The following GIT1 variants were observed in gnomAD, a reference collection of about 807,000 sequenced individuals.
The protein encoded by GIT1 is GIT ArfGAP 1.
Under a neutral mutation model 91.7 loss-of-function variants are expected in GIT1, and 14 were observed. The ratio of observed to expected loss-of-function variants is 0.15; its 90% CI spans 0.10 to 0.24. The LOEUF is 0.24. Ranked by LOEUF, GIT1 falls within the 10% of genes least tolerant of loss-of-function variation. The pLI, the probability that GIT1 is intolerant of heterozygous loss-of-function variation, is 1.00. For missense variants in GIT1, 717 were observed against 1,024.9 expected (o/e 0.70, Z 4.10); for synonymous variants, 414 against 418.2 (o/e 0.99, Z 0.12).
At chr17:29,582,577 T>A in intron 4 of GIT1, 121 bp downstream of exon 4, 1 of 697,876 alleles carries the variant, frequency 1.4e-6, no homozygotes, top group Non-Finnish European at 2.6e-6. Context: ...CTGTCTACTG[T>A]TACCCTGACC....
chr17:29,586,539 T>C (rs1247468105), intron 1 of GIT1, among the ~76,000 whole-genome samples: 1 of 152,168 alleles, frequency 6.6e-6, no homozygotes, highest in African/African-American at 2.4e-5. Flanking sequence ...ACACAAATTC[T>C]ACCTCCATAA....
At chr17:29,582,630 G>T in intron 4 of GIT1, 68 bp downstream of exon 4, 1 of 1,075,250 alleles carries the variant, frequency 9.3e-7, no homozygotes, top group Non-Finnish European at 1.4e-6. Flanking sequence ...ACAAAGGAGA[G>T]GCCTTCAGAG....
At chr17:29,576,763 C>T in intron 12 of GIT1, 89 bp from the exon 13 acceptor site, 1 of 1,583,038 alleles carries the variant, frequency 6.3e-7, no homozygotes, top group South Asian at 1.1e-5. Context: ...GAGCAGCCCA[C>T]CTGTCCCTCA....
intron 1 of GIT1, among the ~76,000 whole-genome samples, chr17:29,584,075 T>C (rs968424487): frequency 6.6e-6 from 1 of 152,226 alleles, no homozygotes; most frequent in African/African-American, 2.4e-5. Context: ...TCTGGCCTCC[T>C]GCCAGCAGGT....
chr17:29,585,249 CA>C (rs1033368438), intron 1 of GIT1, among the ~76,000 whole-genome samples: 5 of 152,120 alleles, frequency 3.3e-5, no homozygotes, highest in Admixed American at 3.3e-4. Flanking sequence ...ACCACTGGGT[CA>C]GGGGGCTGCC....
Position 29,576,510 on chromosome 17 carries a change from C to T in GIT1, c.1380+12G>A, listed in dbSNP as rs1349879333. On this transcript the variant is annotated intron_variant, in intron 13 of 19. Transcript: ENST00000225394. ...CCTGGGGCTCCCCCTCCCACCGAGG[C>T]TGCACCCTCACCTCTCGCTGCAGCC... 2 of 1,613,782 alleles carry T rather than the reference C, an allele frequency of 1.2e-6. No homozygotes were observed. Among genetic ancestry groups the T allele is most frequent in the Non-Finnish European group, 1.7e-6 (2 of 1,179,948 alleles).
chr17:29,582,905 AC>A lies in GIT1; in HGVS notation c.299+19del. The stretch of plus-strand genomic sequence containing the variant: ...CCGGACTGCGCAGTCTCTGCCCACC[AC>A]CCCTCCAGCCCCACTCACTGGACTT... On this transcript the variant is annotated intron_variant, in intron 3 of 19. Coordinates refer to ENST00000225394, the MANE Select transcript of GIT1 (RefSeq NM_014030.4). The A allele has an allele frequency of 6.3e-7, 1 of 1,575,382 alleles. No homozygotes were observed. The highest frequency in any genetic ancestry group is 8.7e-7 in the Non-Finnish European group (1 of 1,147,544).
chr17:29,575,502 G>A lies in GIT1; in HGVS notation c.1827-32C>T, dbSNP rs751167339. 4 of 1,584,590 alleles carry A rather than the reference G, an allele frequency of 2.5e-6. No individual in the cohort carries two copies. The East Asian group carries it at 9.0e-5, about 36-fold the overall frequency. On this transcript the variant is annotated intron_variant, in intron 17 of 19. Coordinates refer to ENST00000225394, the MANE Select transcript of GIT1 (RefSeq NM_014030.4). This position sits in a 1 kb window ranked among gnomAD's most constrained non-coding sequence, Gnocchi z 5.5. ...CCCAGGTCCAGAAAACAGAGACAAA[G>A]ATACATATAGAGAAAGACACGTTCC...
intron 1 of GIT1, among the ~76,000 whole-genome samples, chr17:29,584,542 C>A (rs977862367): frequency 1.3e-5 from 2 of 152,198 alleles, no homozygotes; most frequent in African/African-American, 4.8e-5. Flanking sequence ...CAGCTGCATA[C>A]GACTCAGGCT....
At chr17:29,577,399 A>G (rs2033247889) in intron 10 of GIT1, 152 bp from the exon 11 acceptor site, 1 of 700,790 alleles carries the variant, frequency 1.4e-6, no homozygotes, top group Non-Finnish European at 2.5e-6. Flanking sequence ...TCAGCAGCCA[A>G]GGCCACCCGT....
At position 29,576,546 on chromosome 17, in the gene GIT1, G is replaced by A. The variant is rs746181930; in HGVS notation, c.1356C>T (p.Asp452=). ...QLMKVNSSLS[D]ELRRLQREIH... ...CCTCTCGCTGCAGCCTCCGGAGCTC[G>A]TCGCTCAGGCTACTGTTGACCTTCA... The change falls in exon 13 of 20, where the codon GAC becomes GAT. Residue 452 remains aspartate, a synonymous_variant. Transcript: ENST00000225394. The A allele has an allele frequency of 4.5e-5, 72 of 1,613,950 alleles. No homozygotes were observed. Among genetic ancestry groups the A allele is most frequent in the Non-Finnish European group, 5.5e-5 (65 of 1,180,014 alleles).
In GIT1 at chr17:29,583,473, A is replaced by G. The variant is rs1410201065; in HGVS notation, c.186+10T>C. 1 of 1,611,094 alleles carries G rather than the reference A, an allele frequency of 6.2e-7. No homozygotes were observed. Among genetic ancestry groups the G allele is most frequent in the Non-Finnish European group, 8.5e-7 (1 of 1,179,608 alleles). On this transcript the variant is annotated intron_variant, in intron 2 of 19. Coordinates refer to ENST00000225394, the MANE Select transcript of GIT1 (RefSeq NM_014030.4). ...AGGGGAAGGAAGAACCACCCGACTGAGCCCTGTACCTGCAGCAGCGTGGGA... is the reference window on the plus strand; with the variant it reads ...AGGGGAAGGAAGAACCACCCGACTGGGCCCTGTACCTGCAGCAGCGTGGGA...
rs2150858406 is a variant in GIT1 at position 29,589,333 on chromosome 17, C to A, written c.46G>T (p.Ala16Ser). The change falls in exon 1 of 20, where the codon GCC becomes TCC. Residue 16 changes from alanine to serine, a missense_variant. Physicochemically the swap from Ala to Ser is moderately conservative, Grantham distance 99 (BLOSUM62 1). Transcript: ENST00000225394. The surrounding 1 kb of genome is among the most constrained non-coding windows in gnomAD (Gnocchi z 5.2). ...CCGGCCCCGCCGCGCTTACCCGGGG[C>A]GCTGCAGTCCGCACACACCTCCGCT... ...PRAEVCADCSAPDPGWASISR... is the reference protein window; with the variant it reads ...PRAEVCADCSSPDPGWASISR... 1 of 1,063,466 alleles carries A rather than the reference C, an allele frequency of 9.4e-7. No homozygotes were observed. Among genetic ancestry groups the A allele is most frequent in the South Asian group, 2.9e-5 (1 of 34,696 alleles). 65.9% of individuals were successfully genotyped at this position (1,063,466 alleles called of 1,614,324 possible).
In GIT1 at chr17:29,581,567, C is replaced by G. The variant is rs779495301; in HGVS notation, c.718+175G>C. ...CAGGATGCCCACCCCCACTCCCTAGCCCCAGCGATGCTATGGCCCAGAGCC... is the reference window on the plus strand; with the variant it reads ...CAGGATGCCCACCCCCACTCCCTAGGCCCAGCGATGCTATGGCCCAGAGCC... On this transcript the variant is annotated intron_variant, in intron 6 of 19. Coordinates refer to ENST00000225394, the MANE Select transcript of GIT1 (RefSeq NM_014030.4). This position sits in a 1 kb window ranked among gnomAD's most constrained non-coding sequence, Gnocchi z 4.8. The G allele has an allele frequency of 2.9e-6, 2 of 697,556 alleles. No individual in the cohort carries two copies. Among genetic ancestry groups the G allele is most frequent in the East Asian group, 5.4e-5 (2 of 37,222 alleles). The allele number at this position is 697,556 out of a possible 1,614,324, so 43.2% of individuals were successfully genotyped here.
chr17:29,588,378 C>T (rs752399057), intron 1 of GIT1, among the ~76,000 whole-genome samples: 13 of 152,210 alleles, frequency 8.5e-5, no homozygotes, highest in Non-Finnish European at 1.6e-4. Context: ...AAGGGAGCAG[C>T]CTCTTGGATC....
At chr17:29,583,088 T>C (rs760625145) in intron 2 of GIT1, 51 bp from the exon 3 acceptor site, 10 of 1,208,438 alleles carry the variant, frequency 8.3e-6, no homozygotes, top group Non-Finnish European at 9.7e-6. Context: ...TGCTAAGCAA[T>C]GGGGGAAACA....
chr17:29,581,330 G>A lies in GIT1; in HGVS notation c.761+8C>T. ...GCCTCTGGAAAGGGGCATCAGGTGG[G>A]CACTCACCTGTCAGCCATCTGTGGG... is the stretch of plus-strand genomic sequence containing the variant. On this transcript the variant is annotated splice_region_variant and intron_variant, in intron 7 of 19. Coordinates refer to ENST00000225394, the MANE Select transcript of GIT1 (RefSeq NM_014030.4). This position sits in a 1 kb window ranked among gnomAD's most constrained non-coding sequence, Gnocchi z 4.8. 6.2e-7 allele frequency: 1 copy of A among 1,606,322 alleles called. No homozygotes were observed. Among genetic ancestry groups the A allele is most frequent in the Non-Finnish European group, 8.5e-7 (1 of 1,173,278 alleles).
chr17:29,589,304 G>GC lies in GIT1; in HGVS notation c.52+22dup. 1 of 1,006,340 alleles carries GC rather than the reference G, an allele frequency of 9.9e-7. No homozygotes were observed. Among genetic ancestry groups the GC allele is most frequent in the Non-Finnish European group, 1.2e-6 (1 of 842,952 alleles). The allele number at this position is 1,006,340 out of a possible 1,614,324, so 62.3% of individuals were successfully genotyped here. On this transcript the variant is annotated intron_variant, in intron 1 of 19. Transcript: ENST00000225394. The surrounding 1 kb of genome is among the most constrained non-coding windows in gnomAD (Gnocchi z 5.2). Reference sequence around the variant, plus strand: ...GGCGGCGGCCTGGCTGTGCGGTCCCGCCCCCGGCCCCGCCGCGCTTACCCG... The same window carrying GC: ...GGCGGCGGCCTGGCTGTGCGGTCCCGCCCCCCGGCCCCGCCGCGCTTACCCG...
intron 1 of GIT1, among the ~76,000 whole-genome samples, chr17:29,587,393 C>T (rs1218606813): frequency 6.6e-6 from 1 of 152,170 alleles, no homozygotes; most frequent in East Asian, 1.9e-4. Flanking sequence ...CACATCCTCC[C>T]CACCCCACCA....
Sources: allele counts gnomAD v4.1 joint callset (sites outside exome capture counted in the v4.1 genomes callset), GRCh38; gene constraint gnomAD v4.1.1; non-coding constraint Gnocchi (gnomAD v3.1); transcripts MANE v1.5; gene names NCBI Gene and HGNC (gene_info 2026-07-23, HGNC 2026-07-21).